The following KIF6 variants were observed in gnomAD, a reference collection of about 807,000 sequenced individuals.
KIF6 encodes kinesin family member 6.
Under a neutral mutation model 112.7 loss-of-function variants are expected in KIF6, and 106 were observed. The ratio of observed to expected loss-of-function variants is 0.94; its 90% CI spans 0.80 to 1.11. The LOEUF (loss-of-function observed/expected upper bound fraction) is 1.11. Ranked by LOEUF, KIF6 falls within the 50% of genes least tolerant of loss-of-function variation. The pLI is 0.00. For missense variants in KIF6, 929 were observed against 964.0 expected (o/e 0.96, Z 0.48); for synonymous variants, 339 against 339.9 (o/e 1.00, Z 0.03).
chr6:39,621,962 T>C (rs1218844362), intron 5 of KIF6, among the ~76,000 whole-genome samples: 2 of 151,988 alleles, frequency 1.3e-5, no homozygotes, highest in Non-Finnish European at 2.9e-5. Flanking sequence ...GGTCAGGAGT[T>C]CAAGACCAGC....
rs1486986023 is a variant in KIF6 at position 39,586,302 on chromosome 6, T to C, written c.949A>G (p.Thr317Ala). The stretch of plus-strand genomic sequence containing the variant: ...TCCAAGGAGAGTGTTGCAATCATAG[T>C]TGTCATGCAGTTCCCTCCCAAACTG... Reference protein sequence around the residue: ...RDSLGGNCMTTMIATLSLEKR... With the variant: ...RDSLGGNCMTAMIATLSLEKR... The change falls in exon 8 of 23, where the codon ACT (threonine) becomes GCT (alanine). Residue 317 changes from threonine (T) to alanine (A), a missense_variant. Physicochemically the swap from Thr to Ala is moderately conservative, Grantham distance 58 (BLOSUM62 0). Transcript: ENST00000287152. The C allele has an allele frequency of 1.2e-6, 2 of 1,614,148 alleles. No individual in the cohort carries two copies. The highest frequency in any genetic ancestry group is 1.7e-5 in the Admixed American group (1 of 60,026).
At chr6:39,419,516 A>G (rs752307446) in intron 15 of KIF6, among the ~76,000 whole-genome samples, 20 of 152,120 alleles carry the variant, frequency 1.3e-4, no homozygotes, top group Non-Finnish European at 2.6e-4. Context: ...TTATCCTTCC[A>G]CCAGCTTATT....
chr6:39,490,808 A>C (rs1775435915), intron 13 of KIF6, among the ~76,000 whole-genome samples: 1 of 145,978 alleles, frequency 6.9e-6, no homozygotes, highest in Non-Finnish European at 1.6e-5. Flanking sequence ...TTCATCTGAG[A>C]AGATTCTGAC....
intron 13 of KIF6, among the ~76,000 whole-genome samples, chr6:39,463,074 G>A (rs1222783539): frequency 6.6e-6 from 1 of 152,158 alleles, no homozygotes; most frequent in Non-Finnish European, 1.5e-5. Context: ...TAACTACACT[G>A]AGTTAAATTT....
rs1380036030 is a variant in KIF6, at chr6:39,720,685, G to A, written c.176+17C>T. 2.3e-6 allele frequency: 3 copies of A among 1,278,314 alleles called. No individual in the cohort carries two copies. The highest frequency in any genetic ancestry group is 1.5e-5 in the African/African-American group (1 of 68,188). 79.2% of individuals were successfully genotyped at this position (1,278,314 alleles called of 1,614,324 possible). ...AATAATGAAACAGAAATGAAAAAAG[G>A]AGAAAGAAAAACTTACTTAAATTTG... On this transcript the variant is annotated intron_variant, in intron 2 of 22. Coordinates refer to ENST00000287152, the MANE Select transcript of KIF6 (RefSeq NM_145027.6).
chr6:39,535,632 C>A (rs1252274166), intron 13 of KIF6, among the ~76,000 whole-genome samples: 1 of 152,204 alleles, frequency 6.6e-6, no homozygotes, highest in Non-Finnish European at 1.5e-5. Context: ...TAACACCCCA[C>A]TGTCAACATT....
intron 1 of KIF6, among the ~76,000 whole-genome samples, chr6:39,723,444 A>G (rs566798810): frequency 4.6e-5 from 7 of 152,330 alleles, no homozygotes; most frequent in African/African-American, 1.7e-4. Flanking sequence ...TCCTTAATTA[A>G]AATTACAGCT....
intron 13 of KIF6, among the ~76,000 whole-genome samples, chr6:39,526,004 C>G (rs1777705412): frequency 6.6e-6 from 1 of 152,060 alleles, no homozygotes; most frequent in Admixed American, 6.6e-5. Context: ...AATAAACAAA[C>G]AAGCAAATAA....
At chr6:39,518,372 G>T (rs1173261735) in intron 13 of KIF6, among the ~76,000 whole-genome samples, 1 of 152,192 alleles carries the variant, frequency 6.6e-6, no homozygotes, top group Non-Finnish European at 1.5e-5. Context: ...GTTACTCTGT[G>T]TTATTATATC....
intron 15 of KIF6, among the ~76,000 whole-genome samples, chr6:39,398,953 G>C (rs1004769978): frequency 2.0e-5 from 3 of 152,180 alleles, no homozygotes; most frequent in African/African-American, 2.4e-5. Context: ...CATCCATAAT[G>C]GGAGTGGGCC....
chr6:39,463,975 C>G (rs1397942456), intron 13 of KIF6, among the ~76,000 whole-genome samples: 1 of 152,128 alleles, frequency 6.6e-6, no homozygotes, highest in African/African-American at 2.4e-5. Context: ...TTTATATTTT[C>G]AAATATCCTT....
chr6:39,464,965 C>A (rs1227355398), intron 13 of KIF6, among the ~76,000 whole-genome samples: 1 of 152,188 alleles, frequency 6.6e-6, no homozygotes, highest in African/African-American at 2.4e-5. Context: ...GCTTGTTAGC[C>A]ACTTGAGCAA....
chr6:39,696,062 G>A (rs1788517168), intron 3 of KIF6, among the ~76,000 whole-genome samples: 1 of 152,226 alleles, frequency 6.6e-6, no homozygotes, highest in Non-Finnish European at 1.5e-5. Context: ...TCACGTGTAA[G>A]TGGGAGCTAG....
At chr6:39,411,236 C>T (rs769009847) in intron 15 of KIF6, among the ~76,000 whole-genome samples, 22 of 152,184 alleles carry the variant, frequency 1.4e-4, no homozygotes, top group Admixed American at 2.6e-4. Flanking sequence ...GAGCAAGAGG[C>T]GCTGAGGGAG....
intron 16 of KIF6, among the ~76,000 whole-genome samples, 166 bp downstream of exon 16, chr6:39,385,456 G>A (rs1767334147): frequency 6.6e-6 from 1 of 152,140 alleles, no homozygotes; most frequent in African/African-American, 2.4e-5. Flanking sequence ...AACAGATCCT[G>A]TTAGAGGAGG....
intron 10 of KIF6, among the ~76,000 whole-genome samples, chr6:39,569,328 T>G (rs1780517722): frequency 6.6e-6 from 1 of 152,240 alleles, no homozygotes; most frequent in African/African-American, 2.4e-5. Context: ...ATTTTATTTG[T>G]TTGTTTCATT....
At chr6:39,515,635 G>A (rs888911999) in intron 13 of KIF6, among the ~76,000 whole-genome samples, 6 of 152,110 alleles carry the variant, frequency 3.9e-5, no homozygotes, top group Non-Finnish European at 7.3e-5. Context: ...GTGACAACCC[G>A]GAATACGACT....
chr6:39,540,383 A>C (rs1440707144), intron 12 of KIF6, among the ~76,000 whole-genome samples, 162 bp from the exon 13 acceptor site: 1 of 152,198 alleles, frequency 6.6e-6, no homozygotes, highest in Non-Finnish European at 1.5e-5. Flanking sequence ...GCAATGGACA[A>C]TTTAGGAGGC....
intron 19 of KIF6, among the ~76,000 whole-genome samples, chr6:39,352,095 C>T (rs997153396): frequency 6.6e-6 from 1 of 152,224 alleles, no homozygotes; most frequent in Non-Finnish European, 1.5e-5. Context: ...TATTCTGCTT[C>T]TGCAGTTTTA....
Sources: gnomAD v4.1 joint callset for allele counts (sites outside exome capture counted in the v4.1 genomes callset) on GRCh38, gnomAD v4.1.1 for gene constraint, MANE v1.5 for transcripts, NCBI Gene and HGNC (gene_info 2026-07-23, HGNC 2026-07-21) for gene names.